The following TAOK3 variants were observed in gnomAD, a reference collection of about 807,000 sequenced individuals.
TAOK3 encodes the protein serine/threonine-protein kinase TAO3.
A neutral mutation model predicts 120.4 loss-of-function variants in TAOK3; 40 were observed. The observed-to-expected ratio is 0.33, with a 90% CI of 0.26 to 0.43. The LOEUF is 0.43. TAOK3 is among the 20% of genes least tolerant of loss of function. TAOK3 has a pLI of 1.00. For synonymous variants in TAOK3, 355 were observed against 387.5 expected (o/e 0.92, Z 0.99); for missense variants, 821 against 1,112.1 (o/e 0.74, Z 3.72).
chr12:118,158,166 G>A (rs2034969562), intron 19 of TAOK3, among the ~76,000 whole-genome samples: 1 of 152,054 alleles, frequency 6.6e-6, no homozygotes, highest in African/African-American at 2.4e-5. Flanking sequence ...TGCTCTCTTC[G>A]GGTTCCCTTC....
intron 1 of TAOK3, among the ~76,000 whole-genome samples, chr12:118,312,037 A>G (rs2043283266): frequency 6.6e-6 from 1 of 152,214 alleles, no homozygotes; most frequent in Admixed American, 6.5e-5. Flanking sequence ...TAGCAAAACA[A>G]CAGCACCTTG....
intron 13 of TAOK3, among the ~76,000 whole-genome samples, chr12:118,195,391 A>C (rs777541298): frequency 2.4e-4 from 37 of 152,234 alleles, no homozygotes; most frequent in South Asian, 2.1e-4. Context: ...GGCTCTATAC[A>C]CAATGATTTT....
At chr12:118,188,759 T>C (rs948245413) in intron 14 of TAOK3, among the ~76,000 whole-genome samples, 7 of 152,244 alleles carry the variant, frequency 4.6e-5, no homozygotes, top group Middle Eastern at 3.2e-3. Flanking sequence ...TCATAGGTTC[T>C]AAATGTAATA....
intron 13 of TAOK3, among the ~76,000 whole-genome samples, chr12:118,190,823 G>T (rs1341666087): frequency 6.6e-6 from 1 of 152,144 alleles, no homozygotes; most frequent in African/African-American, 2.4e-5. Flanking sequence ...ACTTTTAAAG[G>T]GGAAAATGCT....
chr12:118,210,168 T>C (rs1327596751), intron 11 of TAOK3, among the ~76,000 whole-genome samples: 1 of 152,182 alleles, frequency 6.6e-6, no homozygotes, highest in Non-Finnish European at 1.5e-5. Flanking sequence ...GTTTCTCCAG[T>C]CCCTCATTCA....
chr12:118,290,934 C>A (rs2042449486), intron 1 of TAOK3, among the ~76,000 whole-genome samples: 1 of 151,038 alleles, frequency 6.6e-6, no homozygotes, highest in Non-Finnish European at 1.5e-5. Flanking sequence ...GTTGCCCAGG[C>A]TGGAGTGCCG....
At chr12:118,165,556 G>A (rs954916889) in intron 17 of TAOK3, among the ~76,000 whole-genome samples, 4 of 152,176 alleles carry the variant, frequency 2.6e-5, no homozygotes, top group Admixed American at 1.3e-4. Flanking sequence ...AACAAGCTAC[G>A]CAGCTAATTC....
intron 1 of TAOK3, among the ~76,000 whole-genome samples, chr12:118,352,527 T>TAC (rs2141235307): frequency 1.3e-5 from 2 of 150,766 alleles, no homozygotes; most frequent in South Asian, 2.1e-4. Flanking sequence ...ATCATATATA[T>TAC]ACACATATAT....
At chr12:118,282,599 T>C (rs146691578) in intron 1 of TAOK3, among the ~76,000 whole-genome samples, 3 of 152,346 alleles carry the variant, frequency 2.0e-5, no homozygotes, top group African/African-American at 7.2e-5. Flanking sequence ...ATTTGTAAGA[T>C]AGCTCATAGA....
In TAOK3 at chr12:118,199,183, G is replaced by A. The variant is rs151093692; in HGVS notation, c.1062C>T (p.Ser354=). The A allele has an allele frequency of 1.4e-5, 22 of 1,613,978 alleles. 1 individual carries two copies. The Admixed American group carries it at 2.0e-4, about 15-fold the overall frequency. Residue 354 remains serine, a synonymous_variant, in exon 13 of 21, where the codon TCC becomes TCT. Coordinates refer to ENST00000392533, the MANE Select transcript of TAOK3 (RefSeq NM_016281.4). Reference sequence around the variant, plus strand: ...TGCTGCTCTGGCTGCCTGTGCTCACGGACATGCTTGGAATGGAATGGTTGC... The same window carrying A: ...TGCTGCTCTGGCTGCCTGTGCTCACAGACATGCTTGGAATGGAATGGTTGC... ...LGSNHSIPSM[S]VSTGSQSSSV...
At chr12:118,219,081 T>C (rs1171544735) in intron 9 of TAOK3, among the ~76,000 whole-genome samples, 1 of 152,214 alleles carries the variant, frequency 6.6e-6, no homozygotes, top group African/African-American at 2.4e-5. Context: ...TTCATTATCA[T>C]GGGACTGGCT....
At chr12:118,191,126 T>C (rs1039598418) in intron 13 of TAOK3, among the ~76,000 whole-genome samples, 1 of 152,204 alleles carries the variant, frequency 6.6e-6, no homozygotes, top group African/African-American at 2.4e-5. Context: ...TAAAGAAGTT[T>C]AGAAAATACA....
At chr12:118,298,300 C>T (rs1451048365) in intron 1 of TAOK3, among the ~76,000 whole-genome samples, 1 of 152,110 alleles carries the variant, frequency 6.6e-6, no homozygotes, top group Non-Finnish European at 1.5e-5. Context: ...ATGCAGATTC[C>T]TAGTTTCAAT....
At chr12:118,163,561 A>G (rs903631174) in intron 17 of TAOK3, among the ~76,000 whole-genome samples, 1 of 151,396 alleles carries the variant, frequency 6.6e-6, no homozygotes, top group Admixed American at 6.6e-5. Flanking sequence ...GATTATAGGC[A>G]TGAGCCACCC....
intron 13 of TAOK3, chr12:118,198,386 CTTCTTTTTTTTT>C (rs1172579009): frequency 9.1e-5 from 11 of 121,304 alleles, no homozygotes; most frequent in East Asian, 2.6e-4. Context: ...CTTTCTTCTT[CTTCTTTTTTTTT>C]TTTTTTTTTT....
chr12:118,218,980 C>T (rs568587798), intron 9 of TAOK3, among the ~76,000 whole-genome samples: 7 of 152,152 alleles, frequency 4.6e-5, no homozygotes, highest in Non-Finnish European at 8.8e-5. Context: ...TAAATAAAAC[C>T]ACGTGGAACT....
At chr12:118,176,521 A>C (rs1456621747) in intron 16 of TAOK3, among the ~76,000 whole-genome samples, 2 of 152,180 alleles carry the variant, frequency 1.3e-5, no homozygotes, top group Non-Finnish European at 2.9e-5. Flanking sequence ...TGTGGAAAAT[A>C]CATAGGAAGA....
chr12:118,348,091 A>C (rs1165194189), intron 1 of TAOK3, among the ~76,000 whole-genome samples: 1 of 152,212 alleles, frequency 6.6e-6, no homozygotes, highest in African/African-American at 2.4e-5. Context: ...CAAAAAATAC[A>C]TTGATTATGT....
chr12:118,239,202 GA>G (rs1278936238), intron 6 of TAOK3, 24 bp downstream of exon 6: 1 of 1,448,578 alleles, frequency 6.9e-7, no homozygotes, highest in African/African-American at 1.4e-5. Context: ...AAACAGAAAG[GA>G]GAGTTTAATT....
Sources: gnomAD v4.1 joint callset for allele counts (sites outside exome capture counted in the v4.1 genomes callset) on GRCh38, gnomAD v4.1.1 for gene constraint, MANE v1.5 for transcripts, NCBI Gene and HGNC (gene_info 2026-07-23, HGNC 2026-07-21) for gene names.